Variants in TRDMT1 observed in about 807,000 individuals in gnomAD.
The protein encoded by TRDMT1 is tRNA (cytosine(38)-C(5))-methyltransferase.
In TRDMT1, 49 loss-of-function variants were observed where a neutral mutation model predicts 51.2. The ratio of observed to expected loss-of-function variants is 0.96; its 90% CI spans 0.76 to 1.21. The LOEUF is 1.21. Among genes scored for constraint, TRDMT1 ranks in the 50% most tolerant of loss-of-function variants. The pLI is 0.00. For missense variants in TRDMT1, 534 were observed against 462.3 expected, an observed-to-expected ratio of 1.16 and a Z score of -1.42; for synonymous variants, 187 against 164.6, an observed-to-expected ratio of 1.14 and a Z score of -1.04.
At chr10:17,196,134 A>G (rs1306789525) in intron 1 of TRDMT1, among the ~76,000 whole-genome samples, 1 of 152,250 alleles carries the variant, frequency 6.6e-6, no homozygotes, top group East Asian at 1.9e-4. Flanking sequence ...AACAAAGACA[A>G]AAGAGATTCA....
chr10:17,190,060 T>G (rs1844480673), intron 1 of TRDMT1, among the ~76,000 whole-genome samples: 1 of 152,122 alleles, frequency 6.6e-6, no homozygotes, highest in African/African-American at 2.4e-5. Context: ...AGAATGAAAA[T>G]AATTAGTGGA....
Position 17,137,838 on chromosome 10 carries a change from GA to G in TRDMT1, c.*11201del, listed in dbSNP as rs11459461. ...GAGCGAAACTCTGCCAAAAAAAAAA[GA>G]AAAAAAAAAAAAGGTTGTTCCACTT... On this transcript the variant is annotated 3_prime_UTR_variant, in exon 11 of 11. Coordinates refer to ENST00000377799, the MANE Select transcript of TRDMT1 (RefSeq NM_004412.7). Among the ~76,000 whole-genome samples, 78 of 129,994 alleles carry G rather than the reference GA, an allele frequency of 6.0e-4. 1 individual carries two copies. The highest frequency in any genetic ancestry group is 7.1e-4 in the Non-Finnish European group (42 of 58,806). The allele number at this position is 129,994 out of a possible 152,430, so 85.3% of individuals were successfully genotyped here.
At position 17,145,534 on chromosome 10, in the gene TRDMT1, C is replaced by T; in HGVS notation, c.*3506G>A. Reference sequence around the variant, plus strand: ...TATGACCCTCACACAGTTTCAAAGTCCAAAGCTATTAGTAAGTCAGTGTCA... The same window carrying T: ...TATGACCCTCACACAGTTTCAAAGTTCAAAGCTATTAGTAAGTCAGTGTCA... On this transcript the variant is annotated 3_prime_UTR_variant, in exon 11 of 11. Transcript: ENST00000377799. 1 of 985,404 alleles carries T rather than the reference C, an allele frequency of 1.0e-6. No individual in the cohort carries two copies. Among genetic ancestry groups the T allele is most frequent in the Non-Finnish European group, 1.2e-6 (1 of 829,922 alleles). 61.0% of individuals were successfully genotyped at this position (985,404 alleles called of 1,614,324 possible).
Position 17,147,922 on chromosome 10 carries a change from G to T in TRDMT1, c.*1118C>A. 2.2e-6 allele frequency: 2 copies of T among 907,788 alleles called. No homozygotes were observed. Among genetic ancestry groups the T allele is most frequent in the Non-Finnish European group, 2.6e-6 (2 of 759,372 alleles). The allele number at this position is 907,788 out of a possible 1,614,324, so 56.2% of individuals were successfully genotyped here. ...TCCAACAGCAGCTGAACCATTTTAC[G>T]TTCCCACAAGCAATGCACAAACTTC... On this transcript the variant is annotated 3_prime_UTR_variant, in exon 11 of 11. Transcript: ENST00000377799.
chr10:17,177,713 A>AACACACACACACACACACACAC (rs372220525), intron 1 of TRDMT1, among the ~76,000 whole-genome samples: 6 of 147,030 alleles, frequency 4.1e-5, no homozygotes, highest in African/African-American at 1.5e-4. Flanking sequence ...ATAGACAAGA[A>AACACACACACACACACACACAC]ACACACACAC....
At chr10:17,179,844 T>C (rs978268639) in intron 1 of TRDMT1, among the ~76,000 whole-genome samples, 3 of 151,916 alleles carry the variant, frequency 2.0e-5, no homozygotes, top group African/African-American at 7.3e-5. Context: ...CTGACCTTGC[T>C]ATCAAACCCT....
intron 7 of TRDMT1, among the ~76,000 whole-genome samples, chr10:17,158,050 A>G (rs1174103389): frequency 1.3e-5 from 2 of 151,356 alleles, no homozygotes; most frequent in East Asian, 3.8e-4. Context: ...AAACTAACAG[A>G]AAGTATATAC....
intron 1 of TRDMT1, among the ~76,000 whole-genome samples, chr10:17,186,454 C>T (rs1843945173): frequency 1.3e-5 from 2 of 152,122 alleles, no homozygotes; most frequent in African/African-American, 4.8e-5. Flanking sequence ...TGGGATGCTA[C>T]ACTTCTGGCT....
At chr10:17,201,236 A>C (rs978705041) in intron 1 of TRDMT1, 1 of 265,826 alleles carries the variant, frequency 3.8e-6, no homozygotes, top group Non-Finnish European at 7.2e-6. Flanking sequence ...CTGCACACTT[A>C]GAATGGGGGC....
chr10:17,195,581 T>C (rs1166291747), intron 1 of TRDMT1, among the ~76,000 whole-genome samples: 3 of 151,718 alleles, frequency 2.0e-5, no homozygotes, highest in Non-Finnish European at 2.9e-5. Flanking sequence ...AACTTGCACA[T>C]GTACCCCTTG....
Position 17,148,205 on chromosome 10 carries a change from A to G in TRDMT1, c.*835T>C. ...GTGTATGTTGCTACAATAAAGAACA[A>G]CTGGGGGGAGGGGAGTACTGTCATA... On this transcript the variant is annotated 3_prime_UTR_variant, in exon 11 of 11. Transcript: ENST00000377799. 1.0e-6 allele frequency: 1 copy of G among 985,482 alleles called. No individual in the cohort carries two copies. The highest frequency in any genetic ancestry group is 1.2e-6 in the Non-Finnish European group (1 of 829,960). The allele number at this position is 985,482 out of a possible 1,614,324, so 61.0% of individuals were successfully genotyped here. A position where few individuals can be genotyped will look rare whatever the true frequency, so the allele number is the denominator to read the frequency against.
intron 1 of TRDMT1, among the ~76,000 whole-genome samples, chr10:17,195,744 T>C (rs973567354): frequency 2.0e-5 from 3 of 152,342 alleles, no homozygotes; most frequent in East Asian, 1.9e-4. Flanking sequence ...TCAAAATTCA[T>C]CTTACGTATT....
At chr10:17,166,641 G>A (rs1452812438) in intron 3 of TRDMT1, among the ~76,000 whole-genome samples, 3 of 152,182 alleles carry the variant, frequency 2.0e-5, no homozygotes, top group Non-Finnish European at 4.4e-5. Flanking sequence ...GTTCAGCTGT[G>A]GGATTAGACT....
intron 2 of TRDMT1, among the ~76,000 whole-genome samples, chr10:17,172,718 A>C (rs1842182526): frequency 6.6e-6 from 1 of 152,222 alleles, no homozygotes; most frequent in South Asian, 2.1e-4. Context: ...AGATAAATAT[A>C]AAAGACTTTG....
In TRDMT1 at chr10:17,142,239, AC is replaced by A. The variant is rs1837745238; in HGVS notation, c.*6800del. ...CAGGCTATTTTACATCGTATCCTGA[AC>A]CTTTTGTCTATTATTTTAATCTTTT... On this transcript the variant is annotated 3_prime_UTR_variant, in exon 11 of 11. Coordinates refer to ENST00000377799, the MANE Select transcript of TRDMT1 (RefSeq NM_004412.7). The A allele has an allele frequency of 6.6e-6, 1 of 151,984 alleles. No homozygotes were observed. Among genetic ancestry groups the A allele is most frequent in the Non-Finnish European group, 1.5e-5 (1 of 68,004 alleles). The allele number at this position is 151,984 out of a possible 1,614,324, so 9.4% of individuals were successfully genotyped here. A position where few individuals can be genotyped will look rare whatever the true frequency, so the allele number is the denominator to read the frequency against.
chr10:17,165,428 C>G (rs531325245), intron 3 of TRDMT1, among the ~76,000 whole-genome samples: 1 of 152,216 alleles, frequency 6.6e-6, no homozygotes, highest in African/African-American at 2.4e-5. Flanking sequence ...AGAAGAAAAC[C>G]TAGGCAATAC....
At chr10:17,157,947 C>G (rs1352004282) in intron 7 of TRDMT1, among the ~76,000 whole-genome samples, 163 bp from the exon 8 acceptor site, 1 of 151,950 alleles carries the variant, frequency 6.6e-6, no homozygotes, top group East Asian at 1.9e-4. Flanking sequence ...AGTTATTACA[C>G]GTTATTAATC....
intron 3 of TRDMT1, among the ~76,000 whole-genome samples, chr10:17,165,190 G>T (rs1305897533): frequency 6.6e-6 from 1 of 152,108 alleles, no homozygotes; most frequent in Non-Finnish European, 1.5e-5. Flanking sequence ...CAATGGAACA[G>T]AACAGAGCCC....
chr10:17,179,534 AATG>A (rs1453831391), intron 1 of TRDMT1, among the ~76,000 whole-genome samples: 6 of 152,196 alleles, frequency 3.9e-5, no homozygotes, highest in African/African-American at 1.4e-4. Context: ...ATAAAATAAT[AATG>A]ATAATGATTA....
Sources: gnomAD v4.1 joint callset for allele counts (sites outside exome capture counted in the v4.1 genomes callset) on GRCh38, gnomAD v4.1.1 for gene constraint, MANE v1.5 for transcripts, NCBI Gene and HGNC (gene_info 2026-07-23, HGNC 2026-07-21) for gene names.